The following PAN2 variants were observed in gnomAD, a reference collection of about 807,000 sequenced individuals.
The protein encoded by PAN2 is PAN2-PAN3 deadenylation complex catalytic subunit PAN2.
Under a neutral mutation model 133.3 loss-of-function variants are expected in PAN2, and 68 were observed. The observed-to-expected ratio is 0.51, with a 90% confidence interval of 0.42 to 0.62. The LOEUF (loss-of-function observed/expected upper bound fraction) is 0.62, where lower values mean the gene tolerates loss of function less well. Ranked by LOEUF, PAN2 falls within the 20% of genes least tolerant of loss-of-function variation. The probability of loss-of-function intolerance (pLI) is 0.00; values close to 1 mark genes in which losing one functional copy is unlikely to be tolerated. For missense variants in PAN2, 1,042 were observed against 1,500.5 expected, an observed-to-expected ratio of 0.69 and a Z score of 5.05; for synonymous variants, 462 against 544.6, an observed-to-expected ratio of 0.85 and a Z score of 2.11.
In PAN2 at chr12:56,317,474, C is replaced by T; in HGVS notation, c.*135G>A. 1 of 705,684 alleles carries T rather than the reference C, an allele frequency of 1.4e-6. No homozygotes were observed. Among genetic ancestry groups the T allele is most frequent in the Admixed American group, 2.5e-5 (1 of 39,306 alleles). 43.7% of individuals were successfully genotyped at this position (705,684 alleles called of 1,614,324 possible). A position where few individuals can be genotyped will look rare whatever the true frequency, so the allele number is the denominator to read the frequency against. Reference sequence around the variant, plus strand: ...CTGTGTTCCAGTTCAATTAATAGCACCATCTGTGACCCTAGACCCTGAGCA... The same window carrying T: ...CTGTGTTCCAGTTCAATTAATAGCATCATCTGTGACCCTAGACCCTGAGCA... On this transcript the variant is annotated 3_prime_UTR_variant, in exon 26 of 26. Coordinates refer to ENST00000440411, the MANE Select transcript of PAN2 (RefSeq NM_014871.6).
Position 56,324,704 on chromosome 12 carries a change from G to C in PAN2, c.1605C>G (p.Leu535=), listed in dbSNP as rs1874915280. 1 of 1,612,034 alleles carries C rather than the reference G, an allele frequency of 6.2e-7. No homozygotes were observed. Among genetic ancestry groups the C allele is most frequent in the Non-Finnish European group, 8.5e-7 (1 of 1,179,318 alleles). ...NAYCNCMIQV[L]YFLEPVRCLI... ...GACAGCGTACAGGCTCCAGGAAATAGAGCACCTGGAGGGAAAAGCAGAAGA... is the reference window on the plus strand; with the variant it reads ...GACAGCGTACAGGCTCCAGGAAATACAGCACCTGGAGGGAAAAGCAGAAGA... Residue 535 remains leucine (L), a synonymous_variant, in exon 11 of 26, where the codon CTC becomes CTG. Coordinates refer to ENST00000440411, the MANE Select transcript of PAN2 (RefSeq NM_014871.6).
rs1405596836 is a variant in PAN2 at position 56,331,423 on chromosome 12, CCTTT to C, written c.282+1386_282+1389del. Among the ~76,000 whole-genome samples the C allele has an allele frequency of 2.6e-5, 4 of 152,284 alleles. No individual in the cohort carries two copies. In the South Asian group the frequency reaches 6.2e-4, roughly 24 times the overall value. On this transcript the variant is annotated intron_variant, in intron 2 of 25. Coordinates refer to ENST00000440411, the MANE Select transcript of PAN2 (RefSeq NM_014871.6). ...TCAAGGGTTACTTCCTCCTCGATGC[CCTTT>C]CTGACTATTCTCCATCCTGTCCAGC...
intron 25 of PAN2, 107 bp from the exon 26 acceptor site, chr12:56,317,750 C>A: frequency 1.1e-6 from 1 of 885,834 alleles, no homozygotes; most frequent in Non-Finnish European, 1.9e-6. Flanking sequence ...CATGGACCTT[C>A]CCTGAACATT....
chr12:56,327,313 C>T, intron 6 of PAN2, 51 bp downstream of exon 6: 1 of 1,586,730 alleles, frequency 6.3e-7, no homozygotes, highest in East Asian at 2.2e-5. Flanking sequence ...CGGGTTCTAG[C>T]TCTCCTTTGC....
At chr12:56,323,774 C>A (rs1439956550) in intron 14 of PAN2, 33 bp downstream of exon 14, 1 of 1,503,692 alleles carries the variant, frequency 6.7e-7, no homozygotes, top group African/African-American at 1.4e-5. Flanking sequence ...ATGGCAGGAC[C>A]AGGACTCTAG....
At position 56,326,762 on chromosome 12, in the gene PAN2, C is replaced by A; in HGVS notation, c.1117G>T (p.Glu373Ter). ...TCCACGAGACACGGCAAAGCAAACT[C>A]AGTCTCACGGGAGTAGGGGTTGAAG... ...PSFNPYSRET[E>*]FALPCLVDSL... Residue 373 changes from glutamate to a stop codon, truncating the protein, a stop_gained, in exon 7 of 26, where the codon GAG (glutamate) becomes TAG (stop). Transcript: ENST00000440411. LOFTEE classifies it high-confidence loss of function. 6.2e-7 allele frequency: 1 copy of A among 1,614,222 alleles called. No individual in the cohort carries two copies. Among genetic ancestry groups the A allele is most frequent in the Non-Finnish European group, 8.5e-7 (1 of 1,180,050 alleles).
chr12:56,319,500 A>G lies in PAN2; in HGVS notation c.3091-13T>C. 6.2e-7 allele frequency: 1 copy of G among 1,608,418 alleles called. No homozygotes were observed. The highest frequency in any genetic ancestry group is 8.5e-7 in the Non-Finnish European group (1 of 1,177,124). ...AGTAATCCACCACCTAGGAATAGAGAAAAGGACAAGCCTTTTTCAGGAAGT... is the reference window on the plus strand; with the variant it reads ...AGTAATCCACCACCTAGGAATAGAGGAAAGGACAAGCCTTTTTCAGGAAGT... On this transcript the variant is annotated splice_polypyrimidine_tract_variant and intron_variant, in intron 22 of 25. Transcript: ENST00000440411. This position sits in a 1 kb window ranked among gnomAD's most constrained non-coding sequence, Gnocchi z 5.4.
intron 5 of PAN2, 129 bp downstream of exon 5, chr12:56,327,866 A>G: frequency 2.1e-6 from 3 of 1,455,790 alleles, no homozygotes; most frequent in Non-Finnish European, 2.8e-6. Flanking sequence ...ACTGAGTAGG[A>G]AGTGAATTCA....
chr12:56,330,638 C>T (rs915691680), intron 2 of PAN2, among the ~76,000 whole-genome samples: 2 of 151,484 alleles, frequency 1.3e-5, no homozygotes, highest in African/African-American at 2.4e-5. Flanking sequence ...GGATTACAGG[C>T]GTGAGCCACC....
chr12:56,318,736 G>T (rs1383932126), intron 24 of PAN2, among the ~76,000 whole-genome samples: 1 of 151,982 alleles, frequency 6.6e-6, no homozygotes, highest in Non-Finnish European at 1.5e-5. Flanking sequence ...GGGTACATGT[G>T]CATGTTTGTT....
At position 56,327,051 on chromosome 12, in the gene PAN2, C is replaced by A. The variant is rs1875197694; in HGVS notation, c.920-92G>T. The A allele has an allele frequency of 1.0e-5, 11 of 1,082,914 alleles. No individual in the cohort carries two copies. In the South Asian group the frequency reaches 1.4e-4, roughly 14 times the overall value. The allele number at this position is 1,082,914 out of a possible 1,614,324, so 67.1% of individuals were successfully genotyped here. On this transcript the variant is annotated intron_variant, in intron 6 of 25. Coordinates refer to ENST00000440411, the MANE Select transcript of PAN2 (RefSeq NM_014871.6). ...CTATCCTCTTCCCCTGATTTCAGGA[C>A]AAGATGGGCCCCAAATCCATGCCTA...
intron 24 of PAN2, 180 bp from the exon 25 acceptor site, chr12:56,318,614 C>T (rs1385521543): frequency 1.7e-6 from 1 of 588,934 alleles, no homozygotes; most frequent in African/African-American, 1.9e-5. Context: ...TAGTAACTGT[C>T]ACCACTAACT....
Position 56,328,045 on chromosome 12 carries a change from T to C in PAN2, c.601A>G (p.Ile201Val), listed in dbSNP as rs1875316031. ...KYAVETPGVT[I>V]MRQTNRFFFC... is the part of the protein sequence containing the mutation. ...AAGAAGCGATTTGTCTGTCTCATGA[T>C]GGTGACTCCAGGCGTCTCTACTGCA... Residue 201 changes from isoleucine (I) to valine (V), a missense_variant, in exon 5 of 26, where the codon ATC becomes GTC. By Grantham distance (29) the Ile-to-Val change is conservative. This residue lies in a region of PAN2 where 908 missense variants were observed against 1,223.5 expected (regional missense o/e 0.74). Transcript: ENST00000440411. 1 of 1,613,882 alleles carries C rather than the reference T, an allele frequency of 6.2e-7. No individual in the cohort carries two copies. The highest frequency in any genetic ancestry group is 8.5e-7 in the Non-Finnish European group (1 of 1,179,928).
In PAN2 at chr12:56,323,087, T is replaced by C. The variant is rs368888731; in HGVS notation, c.2468A>G (p.Asn823Ser). ...MTKNKGLDVC[N>S]WTDGDEMQWG... is the part of the protein sequence containing the mutation. ...CTGCATCTCATCCCCATCAGTCCAATTGCAAACATCCAGCCCTTTGTTTTT... is the reference window on the plus strand; with the variant it reads ...CTGCATCTCATCCCCATCAGTCCAACTGCAAACATCCAGCCCTTTGTTTTT... Residue 823 changes from asparagine to serine, a missense_variant, in exon 17 of 26, where the codon AAT becomes AGT. By Grantham distance (46) the Asn-to-Ser change is conservative. Transcript: ENST00000440411. 71 of 1,614,174 alleles carry C rather than the reference T, an allele frequency of 4.4e-5. 1 individual carries two copies. Among genetic ancestry groups the C allele is most frequent in the East Asian group, 3.8e-4 (17 of 44,890 alleles).
rs1467385682 is a variant in PAN2, at chr12:56,327,296, A to G, written c.919+68T>C. On this transcript the variant is annotated intron_variant, in intron 6 of 25. Transcript: ENST00000440411. ...CCAACAAAGAGGTTTCAGGATGAGT[A>G]CTCCTTCGGGTTCTAGCTCTCCTTT... The G allele has an allele frequency of 3.3e-6, 5 of 1,526,676 alleles. No homozygotes were observed. In the Admixed American group the frequency reaches 6.8e-5, roughly 21 times the overall value. The allele number at this position is 1,526,676 out of a possible 1,614,324, so 94.6% of individuals were successfully genotyped here.
chr12:56,328,548 C>G lies in PAN2; in HGVS notation c.376G>C (p.Glu126Gln), dbSNP rs1474110577. The change falls in exon 3 of 26, where the codon GAG becomes CAG. Residue 126 changes from glutamate to glutamine, a missense_variant. Glu to Gln is a conservative substitution (Grantham distance 29). This residue lies in a region of PAN2 where 908 missense variants were observed against 1,223.5 expected (regional missense o/e 0.74). Transcript: ENST00000440411. ...SDDIRQIQSL[E>Q]NGILFLTKNN... The stretch of plus-strand genomic sequence containing the variant: ...TTGGTGAGAAAAAGGATACCATTCT[C>G]CAGGCTCTGGATCTGCCGAATATCA... The G allele has an allele frequency of 2.5e-6, 4 of 1,614,240 alleles. No homozygotes were observed. The East Asian group carries it at 8.9e-5, about 36-fold the overall frequency.
chr12:56,325,207 G>A, intron 9 of PAN2, 79 bp from the exon 10 acceptor site: 1 of 1,583,030 alleles, frequency 6.3e-7, no homozygotes. Flanking sequence ...GCCTTTCCTA[G>A]AGCCTTCCTC....
rs1230175287 is a variant in PAN2, at chr12:56,322,749, C to T, written c.2503G>A (p.Ala835Thr). ...TDGDEMQWGPARAEEEHGVYV... is the reference protein window; with the variant it reads ...TDGDEMQWGPTRAEEEHGVYV... Reference sequence around the variant, plus strand: ...ACACCATGCTCCTCCTCTGCCCTGGCTGGGCCCCACTGTGAGGGGGGTACC... The same window carrying T: ...ACACCATGCTCCTCCTCTGCCCTGGTTGGGCCCCACTGTGAGGGGGGTACC... The change falls in exon 18 of 26, where the codon GCC (alanine) becomes ACC (threonine). Residue 835 changes from alanine (A) to threonine (T), a missense_variant. Ala to Thr is a moderately conservative substitution (Grantham distance 58). This residue lies in a region of PAN2 where 908 missense variants were observed against 1,223.5 expected (regional missense o/e 0.74). Coordinates refer to ENST00000440411, the MANE Select transcript of PAN2 (RefSeq NM_014871.6). The T allele has an allele frequency of 1.2e-6, 2 of 1,608,928 alleles. No homozygotes were observed. Among genetic ancestry groups the T allele is most frequent in the East Asian group, 4.5e-5 (2 of 44,664 alleles).
chr12:56,324,768 T>C (rs750971592), intron 10 of PAN2, 59 bp from the exon 11 acceptor site: 4 of 1,573,034 alleles, frequency 2.5e-6, no homozygotes, highest in South Asian at 1.2e-5. Context: ...AGGAGAAATA[T>C]GGAGGTTAAG....
Sources: allele counts gnomAD v4.1 joint callset (sites outside exome capture counted in the v4.1 genomes callset), GRCh38; gene constraint gnomAD v4.1.1; regional missense constraint gnomAD v4.1.1; non-coding constraint Gnocchi (gnomAD v3.1); transcripts MANE v1.5; gene names NCBI Gene and HGNC (gene_info 2026-07-23, HGNC 2026-07-21).